ANKRD46: variants seen among roughly 807,000 people sequenced by gnomAD.
The protein encoded by ANKRD46 is ankyrin repeat domain 46.
ANKRD46 carries 13 observed loss-of-function variants against 19.8 expected under a neutral mutation model. The ratio of observed to expected loss-of-function variants is 0.66; its 90% CI spans 0.43 to 1.04. The LOEUF is 1.04. Ranked by LOEUF, ANKRD46 falls within the 50% of genes least tolerant of loss-of-function variation. ANKRD46 has a pLI of 0.00. For missense variants in ANKRD46, 185 were observed against 274.8 expected, an observed-to-expected ratio of 0.67 and a Z score of 2.31; for synonymous variants, 91 against 106.9, an observed-to-expected ratio of 0.85 and a Z score of 0.92.
intron 1 of ANKRD46, among the ~76,000 whole-genome samples, chr8:100,538,480 C>T (rs1812108807): frequency 6.6e-6 from 1 of 152,120 alleles, no homozygotes; most frequent in Admixed American, 6.6e-5. Context: ...GAAAGATGTG[C>T]ATAGGTTATA....
chr8:100,522,340 G>A lies in ANKRD46; in HGVS notation c.*215C>T, dbSNP rs1313703787. The A allele has an allele frequency of 7.3e-7, 1 of 1,371,492 alleles. No homozygotes were observed. Among genetic ancestry groups the A allele is most frequent in the East Asian group, 2.8e-5 (1 of 35,870 alleles). The allele number at this position is 1,371,492 out of a possible 1,614,324, so 85.0% of individuals were successfully genotyped here. A position where few individuals can be genotyped will look rare whatever the true frequency, so the allele number is the denominator to read the frequency against. ...AGGCTTTCCTACAAAGTCAGGTTGA[G>A]TCAGAGGTAGCGTTAGGATGCAATA... On this transcript the variant is annotated 3_prime_UTR_variant, in exon 5 of 5. Coordinates refer to ENST00000335659, the MANE Select transcript of ANKRD46 (RefSeq NM_001270377.2).
At position 100,515,240 on chromosome 8, in the gene ANKRD46, G is replaced by A. The variant is rs142053676; in HGVS notation, c.637-4601C>T. On this transcript the variant is annotated intron_variant, in intron 5 of 5. Transcript: ENST00000520552. Reference sequence around the variant, plus strand: ...ATGAGCTTGAATATATAATTGCTTCGCTGTTAAGAAAAGTACTGTGACTAG... The same window carrying A: ...ATGAGCTTGAATATATAATTGCTTCACTGTTAAGAAAAGTACTGTGACTAG... Among the ~76,000 whole-genome samples the A allele has an allele frequency of 4.7e-4, 71 of 152,208 alleles. No individual in the cohort carries two copies. The South Asian group carries it at 6.6e-3, about 14-fold the overall frequency.
chr8:100,552,468 A>C (rs963139788), intron 1 of ANKRD46, among the ~76,000 whole-genome samples: 1 of 151,868 alleles, frequency 6.6e-6, no homozygotes, highest in African/African-American at 2.4e-5. Flanking sequence ...ATGTGTTTTT[A>C]ATTTCCTCAG....
At chr8:100,516,099 C>T (rs62515176), downstream of ANKRD46, among the ~76,000 whole-genome samples, 8,819 of 152,138 alleles carry the variant, frequency 0.058, 331 homozygotes, top group Non-Finnish European at 0.074. Flanking sequence ...CTCGAACTCT[C>T]GACCTCAGGT....
downstream of ANKRD46, among the ~76,000 whole-genome samples, chr8:100,520,353 G>A (rs1586777901): frequency 2.0e-5 from 3 of 152,280 alleles, no homozygotes; most frequent in East Asian, 5.8e-4. Flanking sequence ...CGGGACAGGA[G>A]GAAAGCACAA....
rs777013029 is a variant in ANKRD46, at chr8:100,529,701, C to T, written c.133G>A (p.Gly45Ser). ...GCTGCAAGGTGAAGGCCTGTTCTGC[C>T]CCTGCTGTCACGAATATTTGGGTCA... ...GFDPNIRDSR[G>S]RTGLHLAAAR... is the part of the protein sequence containing the mutation. The change falls in exon 3 of 5, where the codon GGC becomes AGC. Residue 45 changes from glycine (G) to serine (S), a missense_variant. Transcript: ENST00000335659. This position sits in a 1 kb window ranked among gnomAD's most constrained non-coding sequence, Gnocchi z 5.8. The T allele has an allele frequency of 6.2e-7, 1 of 1,614,204 alleles. No homozygotes were observed. Among genetic ancestry groups the T allele is most frequent in the South Asian group, 1.1e-5 (1 of 91,086 alleles).
At chr8:100,554,575 A>G (rs1812456031) in intron 1 of ANKRD46, 1 of 151,986 alleles carries the variant, frequency 6.6e-6, no homozygotes, top group Non-Finnish European at 1.5e-5. Flanking sequence ...ATTTAAAAAT[A>G]AACCTTGCAT....
At chr8:100,549,301 C>T (rs1233264697) in intron 1 of ANKRD46, among the ~76,000 whole-genome samples, 1 of 151,710 alleles carries the variant, frequency 6.6e-6, no homozygotes, top group African/African-American at 2.4e-5. Context: ...ATGTTCAACA[C>T]ATTTGAAGTA....
chr8:100,556,211 A>G lies in ANKRD46; in HGVS notation c.-131+3500T>C, dbSNP rs1208455086. On this transcript the variant is annotated intron_variant, in intron 1 of 4. Transcript: ENST00000335659. ...AATTTTAAAGTTTTTTGTAGAGATG[A>G]GCTCTCCCTATGTTGTCCAGGCTGG... 2.0e-5 allele frequency among the ~76,000 whole-genome samples: 3 copies of G among 152,020 alleles called. No homozygotes were observed. In the East Asian group the frequency reaches 5.8e-4, roughly 29 times the overall value.
rs1024544432 is a variant in ANKRD46, at chr8:100,537,194, A to G, written c.-130-3883T>C. Among the ~76,000 whole-genome samples, 6 of 152,186 alleles carry G rather than the reference A, an allele frequency of 3.9e-5. No individual in the cohort carries two copies. The highest frequency in any genetic ancestry group is 5.9e-5 in the Non-Finnish European group (4 of 68,020). ...AGAATATATATACTTATAACTAAAAATTGTTCTATATCCAATATCAACAAG... is the reference window on the plus strand; with the variant it reads ...AGAATATATATACTTATAACTAAAAGTTGTTCTATATCCAATATCAACAAG... On this transcript the variant is annotated intron_variant, in intron 1 of 4. Coordinates refer to ENST00000335659, the MANE Select transcript of ANKRD46 (RefSeq NM_001270377.2). The surrounding 1 kb of genome is among the most constrained non-coding windows in gnomAD (Gnocchi z 4.2).
chr8:100,528,003 GCTA>G lies in ANKRD46; in HGVS notation c.312-3_312-1del. 8.6e-7 allele frequency: 1 copy of G among 1,156,128 alleles called. No individual in the cohort carries two copies. The highest frequency in any genetic ancestry group is 1.1e-6 in the Non-Finnish European group (1 of 909,404). The allele number at this position is 1,156,128 out of a possible 1,614,324, so 71.6% of individuals were successfully genotyped here. A position where few individuals can be genotyped will look rare whatever the true frequency, so the allele number is the denominator to read the frequency against. On this transcript the variant is annotated splice_acceptor_variant and splice_polypyrimidine_tract_variant and intron_variant, in intron 3 of 4. Coordinates refer to ENST00000335659, the MANE Select transcript of ANKRD46 (RefSeq NM_001270377.2). LOFTEE classifies it high-confidence loss of function. ...CTAAAGGGGTAGCACCTTGATGATT[GCTA>G]AAAAAAAAAAAAAAAAAAAAAGTTT...
rs1812250393 is a variant in ANKRD46, at chr8:100,545,302, C to A, written c.-130-11991G>T. Among the ~76,000 whole-genome samples, 1 of 152,122 alleles carries A rather than the reference C, an allele frequency of 6.6e-6. No individual in the cohort carries two copies. Among genetic ancestry groups the A allele is most frequent in the African/African-American group, 2.4e-5 (1 of 41,408 alleles). On this transcript the variant is annotated intron_variant, in intron 1 of 4. Coordinates refer to ENST00000335659, the MANE Select transcript of ANKRD46 (RefSeq NM_001270377.2). The surrounding 1 kb of genome is among the most constrained non-coding windows in gnomAD (Gnocchi z 4.7). ...ATTTTAAATTGTAGTCCCCACATAT[C>A]AAGGAAGGGACCTGGTGGGAGGTGA...
At chr8:100,542,466 T>C (rs1812192997) in intron 1 of ANKRD46, among the ~76,000 whole-genome samples, 1 of 152,108 alleles carries the variant, frequency 6.6e-6, no homozygotes, top group Non-Finnish European at 1.5e-5. Flanking sequence ...ATTTCTTCTC[T>C]CGCCACTGGA....
At chr8:100,516,289 T>C (rs993476384), downstream of ANKRD46, among the ~76,000 whole-genome samples, 22 of 152,210 alleles carry the variant, frequency 1.4e-4, no homozygotes, top group African/African-American at 5.1e-4. Context: ...CAGCTGAACA[T>C]AAATCCTTTT....
At chr8:100,514,390 T>C (rs1811594897) in intron 5 of ANKRD46, among the ~76,000 whole-genome samples, 1 of 151,938 alleles carries the variant, frequency 6.6e-6, no homozygotes, top group Non-Finnish European at 1.5e-5. Flanking sequence ...AATTAGGAGA[T>C]TTACTATTGT....
At chr8:100,514,869 A>G in intron 5 of ANKRD46, among the ~76,000 whole-genome samples, 1 of 151,844 alleles carries the variant, frequency 6.6e-6, no homozygotes, top group East Asian at 1.9e-4. Flanking sequence ...CAAACTTCTG[A>G]CCTCAAGTGA....
At chr8:100,549,933 C>T (rs1013705130) in intron 1 of ANKRD46, among the ~76,000 whole-genome samples, 2 of 152,162 alleles carry the variant, frequency 1.3e-5, no homozygotes, top group East Asian at 1.9e-4. Flanking sequence ...TGAAATCATA[C>T]GGTATGCAGC....
At chr8:100,552,716 G>A (rs940348885) in intron 1 of ANKRD46, among the ~76,000 whole-genome samples, 1 of 152,158 alleles carries the variant, frequency 6.6e-6, no homozygotes, top group East Asian at 1.9e-4. Context: ...GTGTATAAAT[G>A]AGATACCTAA....
At chr8:100,556,927 T>G (rs1812511547) in intron 1 of ANKRD46, 1 of 152,184 alleles carries the variant, frequency 6.6e-6, no homozygotes, top group Non-Finnish European at 1.5e-5. Flanking sequence ...CTCATTTCCT[T>G]ACACTAGATC....
Sources: gnomAD v4.1 joint callset for allele counts (sites outside exome capture counted in the v4.1 genomes callset) on GRCh38, gnomAD v4.1.1 for gene constraint, Gnocchi (gnomAD v3.1) non-coding constraint, MANE v1.5 for transcripts, NCBI Gene and HGNC (gene_info 2026-07-23, HGNC 2026-07-21) for gene names.